TSPEAR: variants seen among roughly 807,000 people sequenced by gnomAD.
The protein encoded by TSPEAR is thrombospondin type laminin G domain and EAR repeats.
Under a neutral mutation model 71.6 loss-of-function variants are expected in TSPEAR, and 69 were observed. That is an observed-to-expected ratio of 0.96 (90% CI 0.79 to 1.18). TSPEAR has a LOEUF of 1.18. Ranked by LOEUF, TSPEAR falls within the 50% of genes most tolerant of loss-of-function variation. The pLI, the probability that TSPEAR is intolerant of heterozygous loss-of-function variation, is 0.00. For synonymous variants in TSPEAR, 402 were observed against 387.2 expected (o/e 1.04, Z -0.45); for missense variants, 971 against 894.9 (o/e 1.09, Z -1.09).
intron 1 of TSPEAR, among the ~76,000 whole-genome samples, chr21:44,624,765 A>G (rs1214391387): frequency 1.3e-5 from 2 of 152,198 alleles, no homozygotes; most frequent in African/African-American, 4.8e-5. Context: ...GACTACTAAA[A>G]GCTGTGCTCA....
At chr21:44,508,517 A>G in intron 10 of TSPEAR, 1 of 1,090,526 alleles carries the variant, frequency 9.2e-7, no homozygotes, top group Non-Finnish European at 1.1e-6. Flanking sequence ...TACGGATTCG[A>G]TTGCAGGTTT....
At chr21:44,518,329 C>G in intron 9 of TSPEAR, 1 of 467,426 alleles carries the variant, frequency 2.1e-6, no homozygotes, top group Non-Finnish European at 4.4e-6. Context: ...ACGCAGCTGG[C>G]CAGGTACGCT....
At position 44,531,034 on chromosome 21, in the gene TSPEAR, C is replaced by T; in HGVS notation, c.633+9G>A. 1 of 1,611,982 alleles carries T rather than the reference C, an allele frequency of 6.2e-7. No homozygotes were observed. Among genetic ancestry groups the T allele is most frequent in the Non-Finnish European group, 8.5e-7 (1 of 1,178,702 alleles). Reference sequence around the variant, plus strand: ...ACGGGTGTTGGGAAGGCAGCCCCTCCATACTCGCCATGAACAGGCCTTTGG... The same window carrying T: ...ACGGGTGTTGGGAAGGCAGCCCCTCTATACTCGCCATGAACAGGCCTTTGG... On this transcript the variant is annotated intron_variant, in intron 4 of 11. Coordinates refer to ENST00000323084, the MANE Select transcript of TSPEAR (RefSeq NM_144991.3).
chr21:44,537,813 C>T (rs1555916516), intron 2 of TSPEAR, among the ~76,000 whole-genome samples: 1 of 152,190 alleles, frequency 6.6e-6, no homozygotes, highest in Non-Finnish European at 1.5e-5. Context: ...ACAAGAAAAA[C>T]ACACATAGCC....
At chr21:44,514,714 G>T (rs587723844) in intron 9 of TSPEAR, among the ~76,000 whole-genome samples, 1 of 152,292 alleles carries the variant, frequency 6.6e-6, no homozygotes, top group South Asian at 2.1e-4. Context: ...TCCTCCTTTG[G>T]TCCAAGCTGG....
chr21:44,649,113 G>T (rs1464404556), intron 1 of TSPEAR, among the ~76,000 whole-genome samples: 7 of 152,202 alleles, frequency 4.6e-5, no homozygotes, highest in African/African-American at 1.7e-4. Context: ...TCCCTCCACC[G>T]CCTGCTGGAC....
intron 1 of TSPEAR, among the ~76,000 whole-genome samples, chr21:44,660,340 G>A (rs1985420901): frequency 6.6e-6 from 1 of 152,160 alleles, no homozygotes; most frequent in Admixed American, 6.5e-5. Flanking sequence ...CATTAAATCT[G>A]TGACTGACAA....
At chr21:44,563,024 A>C (rs1238371345) in intron 2 of TSPEAR, among the ~76,000 whole-genome samples, 7 of 152,218 alleles carry the variant, frequency 4.6e-5, no homozygotes, top group East Asian at 1.9e-4. Context: ...CAATATAAAA[A>C]GGTATATTTG....
At chr21:44,513,462 G>T (rs1376016535) in intron 9 of TSPEAR, among the ~76,000 whole-genome samples, 1 of 152,238 alleles carries the variant, frequency 6.6e-6, no homozygotes, top group African/African-American at 2.4e-5. Flanking sequence ...AACCCTGGCT[G>T]GCACGGGAGC....
At chr21:44,694,719 A>G (rs1987257021) in intron 1 of TSPEAR, among the ~76,000 whole-genome samples, 1 of 152,270 alleles carries the variant, frequency 6.6e-6, no homozygotes, top group African/African-American at 2.4e-5. Flanking sequence ...AAGTCATAAT[A>G]AACAACAATT....
At chr21:44,644,378 T>TC (rs1392952099) in intron 1 of TSPEAR, among the ~76,000 whole-genome samples, 3 of 152,232 alleles carry the variant, frequency 2.0e-5, no homozygotes, top group African/African-American at 7.2e-5. Context: ...CATCACCAAG[T>TC]CCTTCAGTCC....
intron 1 of TSPEAR, among the ~76,000 whole-genome samples, chr21:44,600,107 G>C (rs1190038975): frequency 6.6e-6 from 1 of 152,160 alleles, no homozygotes; most frequent in African/African-American, 2.4e-5. Context: ...ATGCACCAGA[G>C]AGAGTGTGGG....
At chr21:44,702,254 A>T in intron 1 of TSPEAR, 1 of 1,604,902 alleles carries the variant, frequency 6.2e-7, no homozygotes. Flanking sequence ...TGGCAGGTGG[A>T]CGACTGCCCG....
intron 1 of TSPEAR, among the ~76,000 whole-genome samples, chr21:44,569,114 G>T (rs149604892): frequency 1.3e-5 from 2 of 152,184 alleles, no homozygotes; most frequent in South Asian, 2.1e-4. Flanking sequence ...TCCTTGCACC[G>T]CCACGTGCAT....
intron 1 of TSPEAR, among the ~76,000 whole-genome samples, chr21:44,609,107 TAAAAC>T (rs1981496624): frequency 6.6e-6 from 1 of 151,940 alleles, no homozygotes; most frequent in African/African-American, 2.4e-5. Flanking sequence ...AATTGAACCA[TAAAAC>T]AAAAGAGTTC....
chr21:44,518,830 C>T (rs2052668633), intron 9 of TSPEAR: 2 of 395,674 alleles, frequency 5.1e-6, no homozygotes, highest in East Asian at 7.3e-5. Flanking sequence ...TGTGCTGGGG[C>T]TCTGCATGTG....
At position 44,509,321 on chromosome 21, in the gene TSPEAR, G is replaced by A. The variant is rs139840910; in HGVS notation, c.1632C>T (p.Asn544=). 80 of 1,613,832 alleles carry A rather than the reference G, an allele frequency of 5.0e-5. No homozygotes were observed. The highest frequency in any genetic ancestry group is 6.5e-5 in the Non-Finnish European group (77 of 1,179,920). ...GCATCTCCACATCGTAGCTGTGACT[G>A]TTTGCCACAGCGAGGAAGATCCTCT... The part of the protein sequence containing the change: ...IGERIFLAVA[N]SHSYDVEMQV... The change falls in exon 10 of 12, where the codon AAC becomes AAT. Residue 544 remains asparagine (N), a synonymous_variant. Transcript: ENST00000323084.
intron 1 of TSPEAR, among the ~76,000 whole-genome samples, chr21:44,606,345 T>C (rs1981313581): frequency 6.6e-6 from 1 of 152,214 alleles, no homozygotes; most frequent in South Asian, 2.1e-4. Context: ...CTTGTCAGAA[T>C]GGTTCTTATC....
intron 1 of TSPEAR, among the ~76,000 whole-genome samples, chr21:44,641,664 G>A (rs993805069): frequency 4.6e-5 from 7 of 152,340 alleles, no homozygotes; most frequent in Non-Finnish European, 7.4e-5. Flanking sequence ...TGACAGTGAC[G>A]AGGGAGGGGT....
Sources: gnomAD v4.1 joint callset for allele counts (sites outside exome capture counted in the v4.1 genomes callset) on GRCh38, gnomAD v4.1.1 for gene constraint, MANE v1.5 for transcripts, NCBI Gene and HGNC (gene_info 2026-07-23, HGNC 2026-07-21) for gene names.